The following PTPRT variants were observed in gnomAD, a reference collection of about 807,000 sequenced individuals.
PTPRT encodes receptor-type tyrosine-protein phosphatase T.
In PTPRT, 56 loss-of-function variants were observed where a neutral mutation model predicts 176.8. That is an observed-to-expected ratio of 0.32 (90% confidence interval 0.26 to 0.40). The LOEUF is 0.40. Among genes scored for constraint, PTPRT ranks in the 10% least tolerant of loss-of-function variants. PTPRT has a pLI of 1.00. For synonymous variants in PTPRT, 783 were observed against 739.0 expected (o/e 1.06, Z -0.96); for missense variants, 1,540 against 1,908.2 (o/e 0.81, Z 3.60).
At chr20:43,085,119 G>C (rs2011568228) in intron 1 of PTPRT, among the ~76,000 whole-genome samples, 1 of 152,138 alleles carries the variant, frequency 6.6e-6, no homozygotes, top group Admixed American at 6.5e-5. Context: ...GGTAACTGTT[G>C]GTTTTATTAA....
At chr20:42,958,963 A>G (rs73101905) in intron 1 of PTPRT, among the ~76,000 whole-genome samples, 2 of 152,376 alleles carry the variant, frequency 1.3e-5, no homozygotes, top group Non-Finnish European at 2.9e-5. Context: ...GAATTCGCTT[A>G]GTATTCCCAC....
intron 6 of PTPRT, among the ~76,000 whole-genome samples, chr20:42,742,754 G>A (rs1055914798): frequency 1.3e-5 from 2 of 152,148 alleles, no homozygotes; most frequent in Non-Finnish European, 2.9e-5. Flanking sequence ...CACACTCTGC[G>A]ATTTCCACAC....
At chr20:42,158,632 G>C (rs930234627) in intron 17 of PTPRT, among the ~76,000 whole-genome samples, 3 of 152,156 alleles carry the variant, frequency 2.0e-5, no homozygotes, top group African/African-American at 7.2e-5. Context: ...TATCACAGGA[G>C]CCTTGATGAT....
intron 9 of PTPRT, among the ~76,000 whole-genome samples, chr20:42,434,146 A>G (rs2059240280): frequency 6.6e-6 from 1 of 152,190 alleles, no homozygotes; most frequent in Non-Finnish European, 1.5e-5. Context: ...ATAAACCCAC[A>G]TGAAGATGGC....
At chr20:42,970,927 G>C (rs1982598606) in intron 1 of PTPRT, 2 of 152,202 alleles carry the variant, frequency 1.3e-5, no homozygotes, top group African/African-American at 4.8e-5. Context: ...GATTCAAGCT[G>C]TGTTCATAAT....
chr20:42,328,566 T>A (rs1273779171), intron 11 of PTPRT, among the ~76,000 whole-genome samples: 1 of 152,122 alleles, frequency 6.6e-6, no homozygotes, highest in Non-Finnish European at 1.5e-5. Context: ...TACGATCATA[T>A]AAGTAGATAC....
At chr20:42,877,766 C>T (rs1356958860) in intron 2 of PTPRT, among the ~76,000 whole-genome samples, 2 of 152,128 alleles carry the variant, frequency 1.3e-5, no homozygotes. Flanking sequence ...TGAGGGAGCC[C>T]ACACAGCTTT....
chr20:42,399,438 T>C (rs143444482), intron 9 of PTPRT, among the ~76,000 whole-genome samples: 1 of 152,246 alleles, frequency 6.6e-6, no homozygotes, highest in Non-Finnish European at 1.5e-5. Context: ...GAGGAGAAAA[T>C]GGCAGTGCAA....
intron 1 of PTPRT, among the ~76,000 whole-genome samples, chr20:43,015,312 G>A (rs1433393845): frequency 6.6e-6 from 1 of 152,178 alleles, no homozygotes; most frequent in African/African-American, 2.4e-5. Flanking sequence ...AAAATGAAGT[G>A]ATAATTCCTA....
At chr20:42,999,676 G>A (rs577921363) in intron 1 of PTPRT, among the ~76,000 whole-genome samples, 99 of 151,854 alleles carry the variant, frequency 6.5e-4, no homozygotes, top group Middle Eastern at 3.4e-3. Context: ...GCATGATGGC[G>A]CATGCCTGTA....
intron 12 of PTPRT, among the ~76,000 whole-genome samples, chr20:42,291,093 A>C (rs1370744737): frequency 6.6e-6 from 1 of 152,100 alleles, no homozygotes; most frequent in African/African-American, 2.4e-5. Flanking sequence ...GATATGATGG[A>C]ATTTAGACCT....
At chr20:42,558,047 C>T (rs564771376) in intron 7 of PTPRT, among the ~76,000 whole-genome samples, 1 of 152,256 alleles carries the variant, frequency 6.6e-6, no homozygotes, top group East Asian at 1.9e-4. Flanking sequence ...AAACTTGTGT[C>T]ATGGGGGTTT....
chr20:42,414,074 A>AGCCCGCCTCC (rs1447872035), intron 9 of PTPRT, among the ~76,000 whole-genome samples: 4 of 152,100 alleles, frequency 2.6e-5, no homozygotes, highest in Non-Finnish European at 5.9e-5. Context: ...TCAGGTGATC[A>AGCCCGCCTCC]GCCCGCCTCC....
chr20:42,185,512 C>A (rs768189817), intron 16 of PTPRT, among the ~76,000 whole-genome samples: 2 of 152,228 alleles, frequency 1.3e-5, no homozygotes, highest in Non-Finnish European at 2.9e-5. Context: ...TGTAAAATTC[C>A]CTTCAGTGTT....
rs1027334268 is a variant in PTPRT, at chr20:43,189,274, G to A, written c.88+372C>T. On this transcript the variant is annotated intron_variant, in intron 1 of 30. Transcript: ENST00000373187. The surrounding 1 kb of genome is among the most constrained non-coding windows in gnomAD (Gnocchi z 5.0). ...TGCCCGGGAGAGAACGCTCCACCCC[G>A]GGCGTCGGTGCCGCTCCTCGTCTCG... Among the ~76,000 whole-genome samples, 2 of 152,192 alleles carry A rather than the reference G, an allele frequency of 1.3e-5. No individual in the cohort carries two copies. Among genetic ancestry groups the A allele is most frequent in the Admixed American group, 6.5e-5 (1 of 15,284 alleles).
At chr20:42,445,154 C>T (rs1039381519) in intron 9 of PTPRT, among the ~76,000 whole-genome samples, 2 of 152,174 alleles carry the variant, frequency 1.3e-5, no homozygotes, top group Non-Finnish European at 2.9e-5. Context: ...AGGGGCAAGA[C>T]ATCTGTACCT....
intron 7 of PTPRT, among the ~76,000 whole-genome samples, chr20:42,645,016 A>T (rs1048134027): frequency 6.6e-6 from 1 of 152,112 alleles, no homozygotes; most frequent in Non-Finnish European, 1.5e-5. Flanking sequence ...TGGTTTCCTT[A>T]TTTTCTCACC....
chr20:42,049,819 G>C, the PTPRT span, among the ~76,000 whole-genome samples: 1 of 152,166 alleles, frequency 6.6e-6, no homozygotes, highest in Non-Finnish European at 1.5e-5. Context: ...TCACCATACA[G>C]AAAGGAAAGA....
At chr20:42,591,054 G>A (rs2073564153) in intron 7 of PTPRT, among the ~76,000 whole-genome samples, 1 of 149,504 alleles carries the variant, frequency 6.7e-6, no homozygotes, top group African/African-American at 2.5e-5. Flanking sequence ...TATCCAAATG[G>A]GTCAAGATTT....
Sources: gnomAD v4.1 joint callset for allele counts (sites outside exome capture counted in the v4.1 genomes callset) on GRCh38, gnomAD v4.1.1 for gene constraint, Gnocchi (gnomAD v3.1) non-coding constraint, MANE v1.5 for transcripts, NCBI Gene and HGNC (gene_info 2026-07-23, HGNC 2026-07-21) for gene names.